MFHAS1: variants seen among roughly 807,000 people sequenced by gnomAD.
MFHAS1 encodes the protein malignant fibrous histiocytoma-amplified sequence 1.
In MFHAS1, 50 loss-of-function variants were observed where a neutral mutation model predicts 70.4. The ratio of observed to expected loss-of-function variants is 0.71; its 90% CI spans 0.57 to 0.90. The LOEUF (loss-of-function observed/expected upper bound fraction) is 0.90, where lower values mean the gene tolerates loss of function less well. Ranked by LOEUF, MFHAS1 falls within the 40% of genes least tolerant of loss-of-function variation. The probability of loss-of-function intolerance (pLI) is 0.00; values close to 1 mark genes in which losing one functional copy is unlikely to be tolerated. For synonymous variants in MFHAS1, 952 were observed against 620.0 expected (o/e 1.54, Z -7.96); for missense variants, 1,795 against 1,347.6 (o/e 1.33, Z -5.20).
chr8:8,849,225 C>T (rs1369497326), intron 1 of MFHAS1, among the ~76,000 whole-genome samples: 2 of 151,816 alleles, frequency 1.3e-5, no homozygotes, highest in African/African-American at 2.4e-5. Context: ...GGACTACAGG[C>T]GTGAGCCACC....
intron 1 of MFHAS1, among the ~76,000 whole-genome samples, chr8:8,801,030 A>G (rs2048419): frequency 0.44 from 67,354 of 151,780 alleles, 16,402 homozygotes; most frequent in East Asian, 0.79. Flanking sequence ...CCTGGCCAAC[A>G]TGGTAAAACC....
At chr8:8,873,959 C>T (rs762846005) in intron 1 of MFHAS1, among the ~76,000 whole-genome samples, 1 of 152,174 alleles carries the variant, frequency 6.6e-6, no homozygotes, top group Non-Finnish European at 1.5e-5. Context: ...CTGAATTAAG[C>T]TGTGAAATGC....
At position 8,797,491 on chromosome 8, in the gene MFHAS1, C is replaced by A; in HGVS notation, c.2999G>T (p.Gly1000Val). ...CGGTCTGGGCTGACTCAGCAACTCC[C>A]CTGTAGGAGGAGAGAGAAAAACGTG... The part of the protein sequence containing the change: ...RGSPNPHAFP[G>V]ELLSQPRPEG... The change falls in exon 2 of 3, where the codon GGG becomes GTG. Residue 1000 changes from glycine (G) to valine (V), a missense_variant and splice_region_variant. Coordinates refer to ENST00000276282, the MANE Select transcript of MFHAS1 (RefSeq NM_004225.3). The A allele has an allele frequency of 1.2e-6, 2 of 1,613,054 alleles. No homozygotes were observed. Among genetic ancestry groups the A allele is most frequent in the Non-Finnish European group, 1.7e-6 (2 of 1,179,322 alleles).
chr8:8,883,262 T>C (rs1026801379), intron 1 of MFHAS1, among the ~76,000 whole-genome samples: 1 of 152,118 alleles, frequency 6.6e-6, no homozygotes, highest in Non-Finnish European at 1.5e-5. Flanking sequence ...CAGACCTCCA[T>C]CCCCAGGGAA....
At chr8:8,827,155 C>G (rs1164530735) in intron 1 of MFHAS1, among the ~76,000 whole-genome samples, 2 of 152,096 alleles carry the variant, frequency 1.3e-5, no homozygotes, top group African/African-American at 4.8e-5. Context: ...AGAATTGTGC[C>G]ATTTTTAACA....
At chr8:8,793,540 T>C (rs1480203545) in intron 2 of MFHAS1, among the ~76,000 whole-genome samples, 13 of 152,228 alleles carry the variant, frequency 8.5e-5, no homozygotes, top group Admixed American at 3.9e-4. Context: ...GAGCTTTCTC[T>C]AGGGCACCCA....
At chr8:8,883,601 G>A (rs1258113779) in intron 1 of MFHAS1, among the ~76,000 whole-genome samples, 1 of 150,196 alleles carries the variant, frequency 6.7e-6, no homozygotes, top group Non-Finnish European at 1.5e-5. Flanking sequence ...CCAGCTACTC[G>A]GGAGGCTGAG....
chr8:8,804,170 C>T (rs1585024195), intron 1 of MFHAS1, among the ~76,000 whole-genome samples: 1 of 152,018 alleles, frequency 6.6e-6, no homozygotes, highest in Admixed American at 6.6e-5. Context: ...TTGAATATAT[C>T]CTAAGGTATG....
At position 8,797,430 on chromosome 8, in the gene MFHAS1, G is replaced by A. The variant is rs1463571590; in HGVS notation, c.3060C>T (p.Gly1020=). The A allele has an allele frequency of 6.2e-7, 1 of 1,613,992 alleles. No individual in the cohort carries two copies. Among genetic ancestry groups the A allele is most frequent in the Non-Finnish European group, 8.5e-7 (1 of 1,180,020 alleles). Reference sequence around the variant, plus strand: ...CCAAGGCAACATTTACTCGCTCGCTGCCGTTCTTGGGGCAAATGATCTCTG... The same window carrying A: ...CCAAGGCAACATTTACTCGCTCGCTACCGTTCTTGGGGCAAATGATCTCTG... ...GVAEIICPKN[G]SERVNVALVY... The change falls in exon 2 of 3, where the codon GGC becomes GGT. Residue 1020 remains glycine (G), a synonymous_variant. Coordinates refer to ENST00000276282, the MANE Select transcript of MFHAS1 (RefSeq NM_004225.3).
At chr8:8,804,501 A>G (rs1392342306) in intron 1 of MFHAS1, among the ~76,000 whole-genome samples, 1 of 152,244 alleles carries the variant, frequency 6.6e-6, no homozygotes, top group African/African-American at 2.4e-5. Flanking sequence ...ACAGAGTACA[A>G]TCGGTAGGGT....
chr8:8,802,614 A>C (rs1223391380), intron 1 of MFHAS1, among the ~76,000 whole-genome samples: 1 of 152,178 alleles, frequency 6.6e-6, no homozygotes, highest in East Asian at 1.9e-4. Context: ...ACCCAGTTAC[A>C]AGGAATGAAG....
In MFHAS1 at chr8:8,890,662, T is replaced by C. The variant is rs1410919146; in HGVS notation, c.2397A>G (p.Pro799=). The C allele has an allele frequency of 1.2e-6, 2 of 1,613,584 alleles. No individual in the cohort carries two copies. Among genetic ancestry groups the C allele is most frequent in the African/African-American group, 1.3e-5 (1 of 75,046 alleles). Residue 799 remains proline (P), a synonymous_variant, in exon 1 of 3, where the codon CCA becomes CCG. Coordinates refer to ENST00000276282, the MANE Select transcript of MFHAS1 (RefSeq NM_004225.3). ...TAAGCAGCAACCGAATGACATGAGC[T>C]GGCAAGAGCCCATGCAACAGAAAGC... ...VEGFLLHGLL[P]AHVIRLLLKP...
At chr8:8,800,953 C>T (rs1419136377) in intron 1 of MFHAS1, among the ~76,000 whole-genome samples, 1 of 152,004 alleles carries the variant, frequency 6.6e-6, no homozygotes, top group Non-Finnish European at 1.5e-5. Flanking sequence ...CAGTGGCTCA[C>T]ACCTGTAATC....
At chr8:8,812,995 G>C (rs759714652) in intron 1 of MFHAS1, among the ~76,000 whole-genome samples, 6 of 152,180 alleles carry the variant, frequency 3.9e-5, no homozygotes, top group Non-Finnish European at 7.3e-5. Context: ...TCAAACTTGT[G>C]ACCTCAAGTG....
At chr8:8,825,030 G>A (rs983467243) in intron 1 of MFHAS1, among the ~76,000 whole-genome samples, 10 of 152,246 alleles carry the variant, frequency 6.6e-5, no homozygotes, top group Admixed American at 3.9e-4. Context: ...CAGTAGCTAA[G>A]TCAGTGCAAT....
At position 8,785,979 on chromosome 8, in the gene MFHAS1, C is replaced by G. The variant is rs1805528226; in HGVS notation, c.*43G>C. The G allele has an allele frequency of 6.2e-7, 1 of 1,608,062 alleles. No homozygotes were observed. On this transcript the variant is annotated 3_prime_UTR_variant, in exon 3 of 3. Coordinates refer to ENST00000276282, the MANE Select transcript of MFHAS1 (RefSeq NM_004225.3). ...AGGTGCAAAAGATGGTCCAGGTGTT[C>G]AGATGCTCTCTTTTCTCCATGGAAA...
At chr8:8,864,643 T>C (rs1177999502) in intron 1 of MFHAS1, among the ~76,000 whole-genome samples, 4 of 152,216 alleles carry the variant, frequency 2.6e-5, no homozygotes, top group Non-Finnish European at 5.9e-5. Context: ...ACTCTCTTCC[T>C]ATCATTTGTA....
At chr8:8,816,455 C>G (rs533454557) in intron 1 of MFHAS1, among the ~76,000 whole-genome samples, 1 of 152,214 alleles carries the variant, frequency 6.6e-6, no homozygotes, top group African/African-American at 2.4e-5. Flanking sequence ...ACAAATTTCA[C>G]TGATCATATC....
At chr8:8,813,678 G>C (rs1585029786) in intron 1 of MFHAS1, among the ~76,000 whole-genome samples, 1 of 152,218 alleles carries the variant, frequency 6.6e-6, no homozygotes, top group Admixed American at 6.5e-5. Context: ...TTTAAGCTAA[G>C]TGTTACTGTA....
Sources: allele counts gnomAD v4.1 joint callset (sites outside exome capture counted in the v4.1 genomes callset), GRCh38; gene constraint gnomAD v4.1.1; transcripts MANE v1.5; gene names NCBI Gene and HGNC (gene_info 2026-07-23, HGNC 2026-07-21).